L3MBTL3: variants seen among roughly 807,000 people sequenced by gnomAD.
L3MBTL3 encodes L3MBTL histone methyl-lysine binding protein 3.
Under a neutral mutation model 102.3 loss-of-function variants are expected in L3MBTL3, and 27 were observed. The ratio of observed to expected loss-of-function variants is 0.26; its 90% confidence interval spans 0.19 to 0.36. L3MBTL3 has a LOEUF of 0.36. Ranked by LOEUF, L3MBTL3 falls within the 10% of genes least tolerant of loss-of-function variation. L3MBTL3 has a pLI of 1.00. For missense variants in L3MBTL3, 798 were observed against 955.3 expected, an observed-to-expected ratio of 0.84 and a Z score of 2.17; for synonymous variants, 340 against 320.9, an observed-to-expected ratio of 1.06 and a Z score of -0.64.
intron 8 of L3MBTL3, among the ~76,000 whole-genome samples, chr6:130,055,534 C>G (rs1352952045): frequency 1.0e-5 from 1 of 96,396 alleles, no homozygotes; most frequent in Admixed American, 1.1e-4. Context: ...CTCTCTCCCT[C>G]TCTCCCTCCC....
intron 19 of L3MBTL3, among the ~76,000 whole-genome samples, chr6:130,112,282 C>T (rs1785400664): frequency 6.6e-6 from 1 of 152,174 alleles, no homozygotes; most frequent in South Asian, 2.1e-4. Context: ...GAGCACACTC[C>T]CTTGCGTGCA....
intron 20 of L3MBTL3, among the ~76,000 whole-genome samples, chr6:130,125,899 C>T (rs538720543): frequency 1.7e-4 from 26 of 152,078 alleles, no homozygotes; most frequent in African/African-American, 4.3e-4. Context: ...TTAAAAGACA[C>T]GCATGCACAC....
At chr6:130,034,670 C>T (rs909364743) in intron 2 of L3MBTL3, among the ~76,000 whole-genome samples, 1 of 152,202 alleles carries the variant, frequency 6.6e-6, no homozygotes, top group Non-Finnish European at 1.5e-5. Context: ...TAAAAAGAAA[C>T]AGTTTTTATC....
intron 18 of L3MBTL3, 54 bp downstream of exon 18, chr6:130,094,421 A>C (rs1031547668): frequency 8.8e-7 from 1 of 1,138,128 alleles, no homozygotes; most frequent in African/African-American, 1.6e-5. Flanking sequence ...ATATACATGT[A>C]TATATAATGA....
At chr6:130,134,025 CAA>C (rs1387426862) in intron 22 of L3MBTL3, 120 bp downstream of exon 22, 2 of 736,946 alleles carry the variant, frequency 2.7e-6, no homozygotes, top group African/African-American at 3.5e-5. Flanking sequence ...TTGAAATTGA[CAA>C]ATTGATGTAT....
chr6:130,064,695 A>G (rs1417306014), intron 10 of L3MBTL3, among the ~76,000 whole-genome samples: 2 of 152,114 alleles, frequency 1.3e-5, no homozygotes, highest in South Asian at 2.1e-4. Flanking sequence ...TATGGGAGGT[A>G]GAGTTGGGAA....
Position 130,133,275 on chromosome 6 carries a change from G to T in L3MBTL3, c.1967-177G>T. Reference sequence around the variant, plus strand: ...ATGATATCAGTTGAATTTACAGGTTGTTTTTTATAGTGACCTTCAGTAAAG... The same window carrying T: ...ATGATATCAGTTGAATTTACAGGTTTTTTTTTATAGTGACCTTCAGTAAAG... On this transcript the variant is annotated intron_variant, in intron 20 of 22. Coordinates refer to ENST00000361794, the MANE Select transcript of L3MBTL3 (RefSeq NM_032438.4). The surrounding 1 kb of genome is among the most constrained non-coding windows in gnomAD (Gnocchi z 4.9). 1 of 578,268 alleles carries T rather than the reference G, an allele frequency of 1.7e-6. No individual in the cohort carries two copies. 35.8% of individuals were successfully genotyped at this position (578,268 alleles called of 1,614,324 possible).
At chr6:130,023,353 A>T (rs1265445325) in intron 2 of L3MBTL3, among the ~76,000 whole-genome samples, 3 of 152,194 alleles carry the variant, frequency 2.0e-5, no homozygotes, top group African/African-American at 7.2e-5. Flanking sequence ...GTCCATGTGG[A>T]TATGCAGCAG....
chr6:130,096,730 T>C (rs1784384875), intron 18 of L3MBTL3, among the ~76,000 whole-genome samples: 1 of 152,150 alleles, frequency 6.6e-6, no homozygotes, highest in South Asian at 2.1e-4. Context: ...GTTTCAGTGG[T>C]TATATTTAGA....
At chr6:130,138,674 C>T (rs534576565) in intron 22 of L3MBTL3, among the ~76,000 whole-genome samples, 15 of 152,078 alleles carry the variant, frequency 9.9e-5, no homozygotes, top group African/African-American at 2.4e-4. Context: ...CAACCCATAA[C>T]GGAGTGCGTT....
chr6:130,137,152 G>T (rs1285507766), intron 22 of L3MBTL3, among the ~76,000 whole-genome samples: 1 of 152,162 alleles, frequency 6.6e-6, no homozygotes, highest in African/African-American at 2.4e-5. Flanking sequence ...CTCTGAGAAA[G>T]ACTCACTCAG....
In L3MBTL3 at chr6:130,060,157, C is replaced by A; in HGVS notation, c.864+17C>A. On this transcript the variant is annotated intron_variant, in intron 10 of 22. Transcript: ENST00000361794. ...GTCGCGGAGGTAAGCTTTGCCTCGT[C>A]CTTTATTTTTAAAATAAAATGGTGA... The A allele has an allele frequency of 5.6e-6, 8 of 1,436,176 alleles. No homozygotes were observed. Among genetic ancestry groups the A allele is most frequent in the Non-Finnish European group, 7.6e-6 (8 of 1,048,218 alleles). 89.0% of individuals were successfully genotyped at this position (1,436,176 alleles called of 1,614,324 possible). A position where few individuals can be genotyped will look rare whatever the true frequency, so the allele number is the denominator to read the frequency against.
At chr6:130,019,707 C>T (rs1050435007) in intron 1 of L3MBTL3, among the ~76,000 whole-genome samples, 6 of 151,594 alleles carry the variant, frequency 4.0e-5, no homozygotes, top group African/African-American at 1.5e-4. Context: ...TCCCTCTTCC[C>T]AACCGAGTGT....
At chr6:130,041,861 A>G (rs1562259051) in intron 2 of L3MBTL3, among the ~76,000 whole-genome samples, 2 of 152,212 alleles carry the variant, frequency 1.3e-5, no homozygotes, top group African/African-American at 4.8e-5. Flanking sequence ...GAGAAATGGT[A>G]TTTAGACACC....
At chr6:130,033,726 G>A (rs565367718) in intron 2 of L3MBTL3, among the ~76,000 whole-genome samples, 12 of 152,246 alleles carry the variant, frequency 7.9e-5, no homozygotes, top group East Asian at 7.7e-4. Flanking sequence ...ACTCATAACC[G>A]TAGTATTTCT....
At chr6:130,076,129 A>G (rs946638981) in intron 13 of L3MBTL3, among the ~76,000 whole-genome samples, 1 of 152,132 alleles carries the variant, frequency 6.6e-6, no homozygotes, top group Non-Finnish European at 1.5e-5. Context: ...CTGAGTAATA[A>G]ATTGGTAGAG....
intron 19 of L3MBTL3, among the ~76,000 whole-genome samples, chr6:130,120,577 A>G (rs927142667): frequency 1.3e-5 from 2 of 152,244 alleles, no homozygotes; most frequent in Admixed American, 1.3e-4. Flanking sequence ...AAAATTCCAC[A>G]TGAATACATG....
At chr6:130,103,060 G>A (rs1373457785) in intron 18 of L3MBTL3, among the ~76,000 whole-genome samples, 13 of 152,216 alleles carry the variant, frequency 8.5e-5, no homozygotes, top group Non-Finnish European at 1.9e-4. Context: ...AATAAAGACT[G>A]AAGTTACTTA....
intron 19 of L3MBTL3, among the ~76,000 whole-genome samples, chr6:130,107,156 T>C (rs1298237687): frequency 1.3e-5 from 2 of 152,176 alleles, no homozygotes; most frequent in Non-Finnish European, 2.9e-5. Flanking sequence ...GGAGTCTTTT[T>C]CTTAAGGGTT....
Sources: gnomAD v4.1 joint callset for allele counts (sites outside exome capture counted in the v4.1 genomes callset) on GRCh38, gnomAD v4.1.1 for gene constraint, Gnocchi (gnomAD v3.1) non-coding constraint, MANE v1.5 for transcripts, NCBI Gene and HGNC (gene_info 2026-07-23, HGNC 2026-07-21) for gene names.